Variants in KCNQ1 observed in about 807,000 individuals in gnomAD.
KCNQ1 encodes the protein potassium voltage-gated channel subfamily KQT member 1.
A neutral mutation model predicts 72.4 loss-of-function variants in KCNQ1; 49 were observed. The observed-to-expected ratio is 0.68, with a 90% CI of 0.54 to 0.86. The LOEUF is 0.86. Ranked by LOEUF, KCNQ1 falls within the 40% of genes least tolerant of loss-of-function variation. The probability of loss-of-function intolerance (pLI) is 0.00; values close to 1 mark genes in which losing one functional copy is unlikely to be tolerated. For synonymous variants in KCNQ1, 450 were observed against 412.6 expected (o/e 1.09, Z -1.10); for missense variants, 790 against 945.1 (o/e 0.84, Z 2.15).
chr11:2,541,055 G>A lies in KCNQ1; in HGVS notation c.477+13037G>A, dbSNP rs1374141736. Among the ~76,000 whole-genome samples, 1 of 152,052 alleles carries A rather than the reference G, an allele frequency of 6.6e-6. No homozygotes were observed. Among genetic ancestry groups the A allele is most frequent in the Non-Finnish European group, 1.5e-5 (1 of 67,874 alleles). ...GGTACCCATGTGGACACACTCACGT[G>A]TGTGTGCACGTTCAGGCTCAGACAC... On this transcript the variant is annotated intron_variant, in intron 2 of 15. Transcript: ENST00000155840. This position sits in a 1 kb window ranked among gnomAD's most constrained non-coding sequence, Gnocchi z 4.8.
At chr11:2,842,038 G>A (rs759852621) in intron 15 of KCNQ1, among the ~76,000 whole-genome samples, 6 of 152,178 alleles carry the variant, frequency 3.9e-5, no homozygotes, top group African/African-American at 9.7e-5. Context: ...GACCATGAGC[G>A]GTGTGGGTCC....
chr11:2,679,254 T>C lies in KCNQ1; in HGVS notation c.1514+17173T>C, dbSNP rs756624095. The C allele has an allele frequency of 1.5e-5, 6 of 398,654 alleles. No homozygotes were observed. Among genetic ancestry groups the C allele is most frequent in the Non-Finnish European group, 2.7e-5 (6 of 226,094 alleles). The allele number at this position is 398,654 out of a possible 1,614,324, so 24.7% of individuals were successfully genotyped here. A position where few individuals can be genotyped will look rare whatever the true frequency, so the allele number is the denominator to read the frequency against. On this transcript the variant is annotated intron_variant, in intron 11 of 15. Transcript: ENST00000155840. The surrounding 1 kb of genome is among the most constrained non-coding windows in gnomAD (Gnocchi z 4.8). ...GGACTACAGCTGCCTGTCCCACCCT[T>C]GGCTGTGCTCTCCTTTACTAATCCA...
At chr11:2,775,656 G>A (rs1846680578) in intron 12 of KCNQ1, among the ~76,000 whole-genome samples, 1 of 152,184 alleles carries the variant, frequency 6.6e-6, no homozygotes, top group African/African-American at 2.4e-5. Context: ...ACCAGAACTG[G>A]TAGCCTGGGG....
At chr11:2,719,158 G>T (rs753135543) in intron 11 of KCNQ1, among the ~76,000 whole-genome samples, 32 of 41,280 alleles carry the variant, frequency 7.8e-4, no homozygotes, top group Non-Finnish European at 1.1e-3. Flanking sequence ...CAAGTCTCAG[G>T]CTTCTTGTCT....
intron 15 of KCNQ1, among the ~76,000 whole-genome samples, chr11:2,837,388 C>T (rs753423554): frequency 1.1e-4 from 17 of 152,126 alleles, no homozygotes; most frequent in Non-Finnish European, 1.9e-4. Context: ...GGAGAGCCCG[C>T]TCCGCGCTCA....
At chr11:2,838,538 T>A (rs1003885892) in intron 15 of KCNQ1, among the ~76,000 whole-genome samples, 1 of 151,924 alleles carries the variant, frequency 6.6e-6, no homozygotes, top group Non-Finnish European at 1.5e-5. Flanking sequence ...GTATCTAAGG[T>A]CTGCTTGTGG....
chr11:2,655,285 C>G (rs1353836649), intron 10 of KCNQ1: 1 of 398,620 alleles, frequency 2.5e-6, no homozygotes. Flanking sequence ...TTGTTTTGTT[C>G]TGCCCTGAAA....
rs117340147 is a variant in KCNQ1, at chr11:2,548,804, C to G, written c.477+20786C>G. 4.3e-3 allele frequency among the ~76,000 whole-genome samples: 660 copies of G among 152,328 alleles called. 6 individuals are homozygous for G. The highest frequency in any genetic ancestry group is 0.02 in the Middle Eastern group (6 of 294). On this transcript the variant is annotated intron_variant, in intron 2 of 15. Coordinates refer to ENST00000155840, the MANE Select transcript of KCNQ1 (RefSeq NM_000218.3). ...TAGGCTGTGCACAAATGCCCACGCA[C>G]GTACACACACAGACACACAGCCTGA...
At chr11:2,583,027 TGAC>T (rs779634009) in intron 6 of KCNQ1, among the ~76,000 whole-genome samples, 3 of 152,108 alleles carry the variant, frequency 2.0e-5, no homozygotes, top group Non-Finnish European at 4.4e-5. Flanking sequence ...TGCTCTTTGT[TGAC>T]GACCAGCCTC....
rs555784604 is a variant in KCNQ1 at position 2,818,299 on chromosome 11, G to T, written c.1795-29468G>T. ...CTGTGGGTACACAGCTTCCCTTTCT[G>T]CAAAGTCACACCCCAAGCCCTGGCT... On this transcript the variant is annotated intron_variant, in intron 15 of 15. Transcript: ENST00000155840. The surrounding 1 kb of genome is among the most constrained non-coding windows in gnomAD (Gnocchi z 7.2). 6.6e-6 allele frequency among the ~76,000 whole-genome samples: 1 copy of T among 152,288 alleles called. No individual in the cohort carries two copies. The highest frequency in any genetic ancestry group is 1.9e-4 in the East Asian group (1 of 5,178).
intron 10 of KCNQ1, chr11:2,634,400 T>C: frequency 5.6e-6 from 1 of 177,292 alleles, no homozygotes; most frequent in Non-Finnish European, 1.0e-5. Context: ...CATTGTTCAG[T>C]TCCCACCTAC....
intron 11 of KCNQ1, chr11:2,667,172 C>T (rs1391285787): frequency 2.5e-6 from 1 of 398,564 alleles, no homozygotes; most frequent in East Asian, 3.6e-5. Flanking sequence ...TGGCTTCCAG[C>T]CTGCCATCAG....
rs564776756 is a variant in KCNQ1, at chr11:2,519,580, A to G, written c.387-8348A>G. On this transcript the variant is annotated intron_variant, in intron 1 of 15. Coordinates refer to ENST00000155840, the MANE Select transcript of KCNQ1 (RefSeq NM_000218.3). ...GGCTGCAGTGAGCCAGGATCATACC[A>G]CTGTCCTCCAGCCTGGGTGACAGAA... 3.9e-3 allele frequency among the ~76,000 whole-genome samples: 597 copies of G among 152,254 alleles called. 2 individuals carry two copies. Among genetic ancestry groups the G allele is most frequent in the Non-Finnish European group, 6.4e-3 (437 of 68,026 alleles).
At chr11:2,574,794 A>G (rs867731093) in intron 6 of KCNQ1, among the ~76,000 whole-genome samples, 6 of 152,206 alleles carry the variant, frequency 3.9e-5, no homozygotes, top group African/African-American at 1.4e-4. Flanking sequence ...TGGCAGGGGC[A>G]TGCTGACACA....
intron 11 of KCNQ1, among the ~76,000 whole-genome samples, chr11:2,761,366 G>A (rs1846393140): frequency 6.6e-6 from 1 of 152,042 alleles, no homozygotes; most frequent in South Asian, 2.1e-4. Context: ...CTGCCGATGT[G>A]TTCCTCTTGA....
rs976167815 is a variant in KCNQ1, at chr11:2,455,330, C to A, written c.386+9846C>A. Among the ~76,000 whole-genome samples the A allele has an allele frequency of 2.4e-4, 36 of 152,276 alleles. No homozygotes were observed. The East Asian group carries it at 2.9e-3, about 12-fold the overall frequency. ...AGCCAGGATGGTCTTGATCTCCTGA[C>A]CTTGTGATCCACCCGCCTTGGCCTC... On this transcript the variant is annotated intron_variant, in intron 1 of 15. Transcript: ENST00000155840.
chr11:2,628,629 C>G (rs1849298965), intron 10 of KCNQ1: 6 of 398,340 alleles, frequency 1.5e-5, no homozygotes, highest in Non-Finnish European at 2.7e-5. Context: ...TGTGCAGACA[C>G]TTTTTTGTTT....
intron 15 of KCNQ1, among the ~76,000 whole-genome samples, chr11:2,795,006 A>G (rs980367262): frequency 6.6e-6 from 1 of 152,290 alleles, no homozygotes; most frequent in Admixed American, 6.5e-5. Context: ...AGCACAGTCA[A>G]GACCTGAGTT....
chr11:2,703,694 T>C lies in KCNQ1; in HGVS notation c.1514+41613T>C, dbSNP rs1391370111. 1.3e-5 allele frequency among the ~76,000 whole-genome samples: 2 copies of C among 152,178 alleles called. No homozygotes were observed. Among genetic ancestry groups the C allele is most frequent in the Non-Finnish European group, 2.9e-5 (2 of 68,026 alleles). ...GTCCCAGGGGAAACACCAGTCCTCT[T>C]CTGCAGTGCAAGGCAGGAGAAAGAA... On this transcript the variant is annotated intron_variant, in intron 11 of 15. Transcript: ENST00000155840. This position sits in a 1 kb window ranked among gnomAD's most constrained non-coding sequence, Gnocchi z 6.4.
Sources: allele counts gnomAD v4.1 joint callset (sites outside exome capture counted in the v4.1 genomes callset), GRCh38; gene constraint gnomAD v4.1.1; non-coding constraint Gnocchi (gnomAD v3.1); transcripts MANE v1.5; gene names NCBI Gene and HGNC (gene_info 2026-07-23, HGNC 2026-07-21).